The following UTS2 variants were observed in gnomAD, a reference collection of about 807,000 sequenced individuals.
UTS2 encodes urotensin-2.
Under a neutral mutation model 12.6 loss-of-function variants are expected in UTS2, and 10 were observed. The observed-to-expected ratio is 0.80, with a 90% CI of 0.49 to 1.35. UTS2 has a LOEUF of 1.35. Ranked by LOEUF, UTS2 falls within the 40% of genes most tolerant of loss-of-function variation. UTS2 has a pLI of 0.00. For synonymous variants in UTS2, 52 were observed against 50.0 expected (o/e 1.04, Z -0.17); for missense variants, 142 against 143.2 (o/e 0.99, Z 0.04).
the UTS2 span, among the ~76,000 whole-genome samples, chr1:7,867,143 T>A: frequency 6.6e-6 from 1 of 152,178 alleles, no homozygotes; most frequent in African/African-American, 2.4e-5. Flanking sequence ...GTGCTGAGAT[T>A]ACAGGTGTGA....
chr1:7,891,536 A>AAAGAAAAG, the UTS2 span, among the ~76,000 whole-genome samples: 307 of 109,894 alleles, frequency 2.8e-3, no homozygotes, highest in Middle Eastern at 8.7e-3. Flanking sequence ...AGAAAGAAAG[A>AAAGAAAAG]AAAGAAAGAA....
chr1:7,852,169 A>T (rs2097414855), intron 1 of UTS2, among the ~76,000 whole-genome samples: 1 of 152,114 alleles, frequency 6.6e-6, no homozygotes, highest in Non-Finnish European at 1.5e-5. Context: ...TTCTTTATTT[A>T]AAAAAAGCCT....
At chr1:7,856,614 G>A (rs1363429789), upstream of UTS2, among the ~76,000 whole-genome samples, 24 of 36,796 alleles carry the variant, frequency 6.5e-4, 1 homozygote, top group Middle Eastern at 0.026. Context: ...AGAGCCCAGG[G>A]CGAGTGCTCG....
chr1:7,865,660 G>A, the UTS2 span, among the ~76,000 whole-genome samples: 2 of 152,092 alleles, frequency 1.3e-5, no homozygotes, highest in African/African-American at 2.4e-5. Flanking sequence ...AATACAGGCT[G>A]AGCATGGTGG....
At chr1:7,877,658 A>G in the UTS2 span, among the ~76,000 whole-genome samples, 4 of 152,138 alleles carry the variant, frequency 2.6e-5, no homozygotes, top group Non-Finnish European at 5.9e-5. Flanking sequence ...GAGGATCACA[A>G]GGTCAGGAGT....
At chr1:7,857,227 C>T (rs1382279404), upstream of UTS2, among the ~76,000 whole-genome samples, 1 of 152,060 alleles carries the variant, frequency 6.6e-6, no homozygotes, top group Non-Finnish European at 1.5e-5. Flanking sequence ...CACTGGCCTT[C>T]TGACCTCTGC....
At chr1:7,895,092 G>A in the UTS2 span, among the ~76,000 whole-genome samples, 3 of 152,092 alleles carry the variant, frequency 2.0e-5, no homozygotes, top group Non-Finnish European at 2.9e-5. Context: ...GCCTAGGCCT[G>A]GCACGGTGGC....
the UTS2 span, among the ~76,000 whole-genome samples, chr1:7,877,386 A>G: frequency 1.3e-5 from 2 of 152,168 alleles, no homozygotes; most frequent in Non-Finnish European, 2.9e-5. Flanking sequence ...GCGAAATTCA[A>G]CAACAACAAA....
the UTS2 span, among the ~76,000 whole-genome samples, chr1:7,868,277 G>C: frequency 2.0e-5 from 3 of 152,212 alleles, no homozygotes; most frequent in African/African-American, 7.2e-5. Flanking sequence ...ATTTATTGCA[G>C]ATAGGGTGAT....
chr1:7,864,671 C>A, the UTS2 span, among the ~76,000 whole-genome samples: 2 of 152,216 alleles, frequency 1.3e-5, no homozygotes, highest in South Asian at 4.1e-4. Context: ...TACTGTCCCC[C>A]TAAAATCATT....
At chr1:7,867,304 G>A in the UTS2 span, among the ~76,000 whole-genome samples, 1 of 152,164 alleles carries the variant, frequency 6.6e-6, no homozygotes, top group African/African-American at 2.4e-5. Flanking sequence ...TAATTTATAT[G>A]TCAAAGTCCT....
chr1:7,893,672 G>T, the UTS2 span, among the ~76,000 whole-genome samples: 1 of 152,124 alleles, frequency 6.6e-6, no homozygotes, highest in African/African-American at 2.4e-5. Flanking sequence ...GACTGGCCTG[G>T]TCACCTCTGT....
chr1:7,901,841 G>A, the UTS2 span, among the ~76,000 whole-genome samples: 1 of 152,176 alleles, frequency 6.6e-6, no homozygotes, highest in African/African-American at 2.4e-5. Flanking sequence ...ACACAGACTG[G>A]CCCAGCAGAT....
chr1:7,857,929 A>G (rs1003920090), upstream of UTS2, among the ~76,000 whole-genome samples: 2 of 151,460 alleles, frequency 1.3e-5, no homozygotes, highest in African/African-American at 4.9e-5. Context: ...ATGCATGTTT[A>G]TATATATGTA....
chr1:7,892,204 C>G, the UTS2 span, among the ~76,000 whole-genome samples: 1 of 152,178 alleles, frequency 6.6e-6, no homozygotes, highest in Non-Finnish European at 1.5e-5. Flanking sequence ...TACTACAGAC[C>G]TGGTGGCTTC....
the UTS2 span, among the ~76,000 whole-genome samples, chr1:7,875,970 T>C: frequency 6.6e-6 from 1 of 152,118 alleles, no homozygotes; most frequent in Non-Finnish European, 1.5e-5. Context: ...CTACCACCAC[T>C]GCTGGTACCC....
chr1:7,883,368 T>C, the UTS2 span, among the ~76,000 whole-genome samples: 7 of 152,238 alleles, frequency 4.6e-5, no homozygotes, highest in East Asian at 1.2e-3. Context: ...TGATAGTTAC[T>C]AGAGTCTGGG....
chr1:7,891,933 G>A, the UTS2 span, among the ~76,000 whole-genome samples: 3 of 152,142 alleles, frequency 2.0e-5, no homozygotes, highest in African/African-American at 7.2e-5. Flanking sequence ...TGAGGTCCTG[G>A]GGGATGGCTC....
the UTS2 span, among the ~76,000 whole-genome samples, chr1:7,877,612 C>T: frequency 1.2e-4 from 18 of 152,288 alleles, no homozygotes; most frequent in South Asian, 2.1e-4. Flanking sequence ...CAGTGGCTCA[C>T]GCCTGTAATC....
Sources: gnomAD v4.1 joint callset for allele counts (sites outside exome capture counted in the v4.1 genomes callset) on GRCh38, gnomAD v4.1.1 for gene constraint, MANE v1.5 for transcripts, NCBI Gene and HGNC (gene_info 2026-07-23, HGNC 2026-07-21) for gene names.